The following FSTL4 variants were observed in gnomAD, a reference collection of about 807,000 sequenced individuals.
FSTL4 encodes follistatin-related protein 4.
In FSTL4, 28 loss-of-function variants were observed where a neutral mutation model predicts 78.2. The observed-to-expected ratio is 0.36, with a 90% CI of 0.27 to 0.49. FSTL4 has a LOEUF of 0.49. Among genes scored for constraint, FSTL4 ranks in the 20% least tolerant of loss-of-function variants. The pLI is 0.98. For synonymous variants in FSTL4, 422 were observed against 440.5 expected, an observed-to-expected ratio of 0.96 and a Z score of 0.53; for missense variants, 922 against 1,084.9, an observed-to-expected ratio of 0.85 and a Z score of 2.11.
At chr5:133,795,046 T>C in the FSTL4 span, among the ~76,000 whole-genome samples, 2 of 152,194 alleles carry the variant, frequency 1.3e-5, no homozygotes, top group Non-Finnish European at 2.9e-5. Flanking sequence ...TATTTCATCA[T>C]TATATGCAAA....
chr5:133,606,372 G>A (rs1460016392), intron 1 of FSTL4, among the ~76,000 whole-genome samples: 3 of 151,916 alleles, frequency 2.0e-5, no homozygotes, highest in Non-Finnish European at 2.9e-5. Flanking sequence ...CACCTGCTTC[G>A]GCCTCCCAAA....
At chr5:133,233,684 G>A in intron 7 of FSTL4, 147 bp from the exon 8 acceptor site, 1 of 940,864 alleles carries the variant, frequency 1.1e-6, no homozygotes, top group Non-Finnish European at 1.6e-6. Context: ...GTCTGCAGGG[G>A]TGAGCCGTCC....
the FSTL4 span, among the ~76,000 whole-genome samples, chr5:133,813,314 A>G: frequency 6.6e-6 from 1 of 152,262 alleles, no homozygotes; most frequent in African/African-American, 2.4e-5. Context: ...GCTTCAGACA[A>G]ATAATAAAAA....
At position 133,601,271 on chromosome 5, in the gene FSTL4, A is replaced by G. The variant is rs570422433; in HGVS notation, c.126+2587T>C. 9.4e-4 allele frequency among the ~76,000 whole-genome samples: 143 copies of G among 152,368 alleles called. 3 individuals are homozygous for G. In the South Asian group the frequency reaches 0.028, roughly 30 times the overall value. ...TATCGATTGGCTTAAAAATGCATCA[A>G]ACCTCTATTTTGCTTATAAAATTAT... is the stretch of plus-strand genomic sequence containing the variant. On this transcript the variant is annotated intron_variant, in intron 2 of 15. Coordinates refer to ENST00000265342, the MANE Select transcript of FSTL4 (RefSeq NM_015082.2).
At chr5:133,355,524 C>T (rs1390140296) in intron 4 of FSTL4, among the ~76,000 whole-genome samples, 2 of 152,166 alleles carry the variant, frequency 1.3e-5, no homozygotes, top group East Asian at 1.9e-4. Flanking sequence ...GGTGTGGTGG[C>T]GCATGCCTAT....
the FSTL4 span, among the ~76,000 whole-genome samples, chr5:133,696,821 T>C: frequency 1.3e-5 from 2 of 152,194 alleles, no homozygotes; most frequent in African/African-American, 2.4e-5. Flanking sequence ...GGTGTGTGCA[T>C]GCTCTTGTGT....
chr5:133,710,058 G>A, the FSTL4 span, among the ~76,000 whole-genome samples: 2 of 152,190 alleles, frequency 1.3e-5, no homozygotes, highest in African/African-American at 4.8e-5. Context: ...CAGAACTGAC[G>A]CTGGCATGGA....
chr5:133,310,637 C>T (rs546642074), intron 6 of FSTL4, among the ~76,000 whole-genome samples: 24 of 152,330 alleles, frequency 1.6e-4, no homozygotes, highest in African/African-American at 3.6e-4. Flanking sequence ...TGCTTGATGA[C>T]GGCATCTGGG....
At chr5:133,574,336 A>G (rs1760227936) in intron 2 of FSTL4, among the ~76,000 whole-genome samples, 1 of 152,338 alleles carries the variant, frequency 6.6e-6, no homozygotes, top group East Asian at 1.9e-4. Context: ...TGAAGGAACT[A>G]TAATTTTTAT....
At chr5:133,612,731 A>G (rs1413532771), upstream of FSTL4, among the ~76,000 whole-genome samples, 1 of 151,936 alleles carries the variant, frequency 6.6e-6, no homozygotes. This position sits in a 1 kb window ranked among gnomAD's most constrained non-coding sequence, Gnocchi z 6.2. Flanking sequence ...GCCCGGAGGG[A>G]GGAGGGCCAG....
At chr5:133,615,200 A>G (rs1281957465), upstream of FSTL4, among the ~76,000 whole-genome samples, 1 of 152,260 alleles carries the variant, frequency 6.6e-6, no homozygotes, top group Non-Finnish European at 1.5e-5. Flanking sequence ...CTGGTCAAAC[A>G]GTGCCTAGAA....
rs527415337 is a variant in FSTL4 at position 133,417,958 on chromosome 5, T to TAAAAA, written c.161-16977_161-16973dup. Among the ~76,000 whole-genome samples the TAAAAA allele has an allele frequency of 1.4e-4, 7 of 51,144 alleles. 1 individual carries two copies. Among genetic ancestry groups the TAAAAA allele is most frequent in the African/African-American group, 7.8e-4 (7 of 8,966 alleles). The allele number at this position is 51,144 out of a possible 152,430, so 33.6% of individuals were successfully genotyped here. Reference sequence around the variant, plus strand: ...TGGGTGACAGAGTAAGACTCCATCTTAAAAAAAAAAAAAAAAAAAAAAAAA... The same window carrying TAAAAA: ...TGGGTGACAGAGTAAGACTCCATCTTAAAAAAAAAAAAAAAAAAAAAAAAAAAAAA... On this transcript the variant is annotated intron_variant, in intron 3 of 15. Coordinates refer to ENST00000265342, the MANE Select transcript of FSTL4 (RefSeq NM_015082.2).
At chr5:133,220,694 T>G in intron 12 of FSTL4, 54 bp downstream of exon 12, 1 of 906,336 alleles carries the variant, frequency 1.1e-6, no homozygotes. Context: ...AAGATAGACT[T>G]TTAGGATTTT....
chr5:133,202,656 G>A (rs1396931428), intron 14 of FSTL4: 1 of 152,288 alleles, frequency 6.6e-6, no homozygotes, highest in Non-Finnish European at 1.5e-5. Context: ...GACATCCTAC[G>A]GGATGCCACT....
At chr5:133,817,429 C>T in the FSTL4 span, among the ~76,000 whole-genome samples, 1 of 149,708 alleles carries the variant, frequency 6.7e-6, no homozygotes, top group South Asian at 2.1e-4. Context: ...GGTGTGGTGA[C>T]AGTAAGAAGG....
the FSTL4 span, among the ~76,000 whole-genome samples, chr5:133,636,216 C>A: frequency 6.6e-6 from 1 of 152,168 alleles, no homozygotes; most frequent in Admixed American, 6.5e-5. Context: ...AGAACAGAAG[C>A]CTGATATTCA....
At chr5:133,473,254 T>C (rs1304770101) in intron 3 of FSTL4, among the ~76,000 whole-genome samples, 1 of 152,126 alleles carries the variant, frequency 6.6e-6, no homozygotes. Flanking sequence ...CAATGGTGTG[T>C]TTTGTACAGG....
At chr5:133,222,827 G>A (rs1197483307) in intron 11 of FSTL4, among the ~76,000 whole-genome samples, 1 of 152,206 alleles carries the variant, frequency 6.6e-6, no homozygotes, top group Non-Finnish European at 1.5e-5. Flanking sequence ...TTCTCCTGTT[G>A]AGACTTGTGT....
chr5:133,733,682 G>A, the FSTL4 span, among the ~76,000 whole-genome samples: 1 of 152,202 alleles, frequency 6.6e-6, no homozygotes, highest in Non-Finnish European at 1.5e-5. Context: ...ATCTATCACT[G>A]CATGACAAAT....
Sources: gnomAD v4.1 joint callset for allele counts (sites outside exome capture counted in the v4.1 genomes callset) on GRCh38, gnomAD v4.1.1 for gene constraint, Gnocchi (gnomAD v3.1) non-coding constraint, MANE v1.5 for transcripts, NCBI Gene and HGNC (gene_info 2026-07-23, HGNC 2026-07-21) for gene names.